Variants in RBMS1 observed in about 807,000 individuals in gnomAD.
The protein encoded by RBMS1 is RNA-binding motif, single-stranded-interacting protein 1.
In RBMS1, 17 loss-of-function variants were observed where a neutral mutation model predicts 62.3. The ratio of observed to expected loss-of-function variants is 0.27; its 90% confidence interval spans 0.19 to 0.41. The LOEUF is 0.41. Among genes scored for constraint, RBMS1 ranks in the 10% least tolerant of loss-of-function variants. RBMS1 has a pLI of 1.00. For synonymous variants in RBMS1, 172 were observed against 170.0 expected (o/e 1.01, Z -0.09); for missense variants, 334 against 504.5 (o/e 0.66, Z 3.24).
intron 4 of RBMS1, among the ~76,000 whole-genome samples, chr2:160,312,927 A>T (rs1690010824): frequency 1.3e-5 from 2 of 152,106 alleles, no homozygotes. Flanking sequence ...ATAATTTACT[A>T]TGTAAATTTT....
chr2:160,334,324 A>G (rs1691447888), intron 2 of RBMS1, among the ~76,000 whole-genome samples: 1 of 152,198 alleles, frequency 6.6e-6, no homozygotes, highest in East Asian at 1.9e-4. Context: ...TCAGAGTAAA[A>G]ACCAGGAGAG....
chr2:160,465,844 C>CCACACACACACA (rs34253924), intron 1 of RBMS1, among the ~76,000 whole-genome samples: 2 of 109,876 alleles, frequency 1.8e-5, no homozygotes, highest in Non-Finnish European at 4.0e-5. Context: ...CCTCCCCACA[C>CCACACACACACA]CACACACACA....
intron 3 of RBMS1, among the ~76,000 whole-genome samples, chr2:160,316,844 T>G (rs950254994): frequency 3.0e-5 from 3 of 100,636 alleles, no homozygotes; most frequent in African/African-American, 9.0e-5. Context: ...AAAGTGATGT[T>G]GGTGATCAGC....
chr2:160,282,376 T>A, intron 9 of RBMS1: 3 of 1,285,442 alleles, frequency 2.3e-6, no homozygotes, highest in Non-Finnish European at 3.2e-6. Context: ...CCTTTCCCCA[T>A]TGGGGTTGGT....
chr2:160,364,738 T>C (rs955207097), intron 2 of RBMS1, among the ~76,000 whole-genome samples: 5 of 152,242 alleles, frequency 3.3e-5, no homozygotes, highest in African/African-American at 1.2e-4. Flanking sequence ...TTGGACTTCA[T>C]GCACTGTTTG....
In RBMS1 at chr2:160,277,397, T is replaced by G. The variant is rs769858802; in HGVS notation, c.1063-14A>C. 1 of 1,601,734 alleles carries G rather than the reference T, an allele frequency of 6.2e-7. No homozygotes were observed. Reference sequence around the variant, plus strand: ...TGCAGGCATGTACTAGAAAGAAGAATGAGGTCAGAATGGGCAATGGTAAAC... The same window carrying G: ...TGCAGGCATGTACTAGAAAGAAGAAGGAGGTCAGAATGGGCAATGGTAAAC... On this transcript the variant is annotated splice_polypyrimidine_tract_variant and intron_variant, in intron 11 of 13. Coordinates refer to ENST00000348849, the MANE Select transcript of RBMS1 (RefSeq NM_016836.4).
intron 2 of RBMS1, among the ~76,000 whole-genome samples, chr2:160,336,671 TA>T (rs1691587519): frequency 6.6e-6 from 1 of 152,174 alleles, no homozygotes; most frequent in Non-Finnish European, 1.5e-5. Context: ...GTAATGAATA[TA>T]AAAATATTGA....
At chr2:160,457,848 T>C (rs1684304440) in intron 1 of RBMS1, among the ~76,000 whole-genome samples, 1 of 151,998 alleles carries the variant, frequency 6.6e-6, no homozygotes, top group Non-Finnish European at 1.5e-5. Context: ...CGGGTGCAGC[T>C]CACTACTTTT....
At chr2:160,380,787 T>G (rs1476737976) in intron 1 of RBMS1, among the ~76,000 whole-genome samples, 1 of 152,170 alleles carries the variant, frequency 6.6e-6, no homozygotes, top group Non-Finnish European at 1.5e-5. Flanking sequence ...GCCAGGAAGC[T>G]GGGGAAGTCC....
At chr2:160,311,232 C>CTCTCTCTCTA (rs1553505424) in intron 4 of RBMS1, among the ~76,000 whole-genome samples, 2 of 79,252 alleles carry the variant, frequency 2.5e-5, no homozygotes, top group Admixed American at 3.5e-4. Context: ...ATCTATCTAT[C>CTCTCTCTCTA]TATATATATA....
At chr2:160,430,405 CA>C (rs1682838949) in intron 1 of RBMS1, among the ~76,000 whole-genome samples, 1 of 152,130 alleles carries the variant, frequency 6.6e-6, no homozygotes, top group Non-Finnish European at 1.5e-5. Flanking sequence ...CCATACCATG[CA>C]GTGGGAAACT....
At position 160,490,602 on chromosome 2, in the gene RBMS1, T is replaced by C. The variant is rs185179805; in HGVS notation, c.75+2687A>G. On this transcript the variant is annotated intron_variant, in intron 1 of 13. Transcript: ENST00000348849. Reference sequence around the variant, plus strand: ...TGTGGAAGTAACTAGTATGTTTTTATGGGGAAAATTACAAAATAAGTTTAC... The same window carrying C: ...TGTGGAAGTAACTAGTATGTTTTTACGGGGAAAATTACAAAATAAGTTTAC... Among the ~76,000 whole-genome samples, 150 of 152,304 alleles carry C rather than the reference T, an allele frequency of 9.8e-4. 1 individual carries two copies. The Middle Eastern group carries it at 0.034, about 35-fold the overall frequency.
At chr2:160,426,277 GAAAGAAAGAAAGAAAA>G (rs1682594067) in intron 1 of RBMS1, among the ~76,000 whole-genome samples, 3 of 113,734 alleles carry the variant, frequency 2.6e-5, no homozygotes, top group Non-Finnish European at 3.5e-5. Context: ...AAGAAAGAAA[GAAAGAAAGAAAGAAAA>G]GAAAGAAGGA....
intron 1 of RBMS1, among the ~76,000 whole-genome samples, chr2:160,455,740 G>A (rs1684196008): frequency 1.4e-5 from 2 of 144,782 alleles, no homozygotes; most frequent in African/African-American, 5.2e-5. Context: ...CTGGAGTGCA[G>A]TGGCGCGATC....
intron 1 of RBMS1, among the ~76,000 whole-genome samples, chr2:160,469,529 C>T (rs1488310564): frequency 6.6e-6 from 1 of 152,196 alleles, no homozygotes; most frequent in African/African-American, 2.4e-5. Context: ...AGTTGGCTAA[C>T]ACTCTGCAAG....
intron 2 of RBMS1, among the ~76,000 whole-genome samples, chr2:160,325,733 C>G (rs929996208): frequency 1.3e-5 from 2 of 152,080 alleles, no homozygotes; most frequent in African/African-American, 4.8e-5. Flanking sequence ...GGGTCATTAC[C>G]CATGTTATTC....
At position 160,272,399 on chromosome 2, in the gene RBMS1, TC is replaced by T. The variant is rs888221349; in HGVS notation, c.*2372del. 3.3e-5 allele frequency: 5 copies of T among 152,086 alleles called. No homozygotes were observed. Among genetic ancestry groups the T allele is most frequent in the Non-Finnish European group, 4.4e-5 (3 of 68,008 alleles). The allele number at this position is 152,086 out of a possible 1,614,324, so 9.4% of individuals were successfully genotyped here. On this transcript the variant is annotated 3_prime_UTR_variant, in exon 14 of 14. Coordinates refer to ENST00000348849, the MANE Select transcript of RBMS1 (RefSeq NM_016836.4). ...ATATCTCTATGAAAATCTTTTTTTT[TC>T]AATCTGTACAAAAGGTCTTTCTTCA...
chr2:160,349,553 AAGAG>A (rs372260654), intron 2 of RBMS1, among the ~76,000 whole-genome samples: 177 of 142,790 alleles, frequency 1.2e-3, no homozygotes, highest in Middle Eastern at 3.6e-3. Context: ...CAGAGACAGA[AAGAG>A]AGAGAGAGAG....
chr2:160,373,629 G>A (rs899246843), intron 1 of RBMS1, among the ~76,000 whole-genome samples: 4 of 152,022 alleles, frequency 2.6e-5, no homozygotes, highest in Non-Finnish European at 4.4e-5. Flanking sequence ...ATTTATAAGG[G>A]GTATGGGTGT....
Sources: allele counts gnomAD v4.1 joint callset (sites outside exome capture counted in the v4.1 genomes callset), GRCh38; gene constraint gnomAD v4.1.1; transcripts MANE v1.5; gene names NCBI Gene and HGNC (gene_info 2026-07-23, HGNC 2026-07-21).